Variants in TGFBR3 observed in about 807,000 individuals in gnomAD.
TGFBR3 encodes transforming growth factor beta receptor 3, also known as transforming growth factor beta receptor type 3.
TGFBR3 carries 46 observed loss-of-function variants against 87.9 expected under a neutral mutation model. The observed-to-expected ratio is 0.52, with a 90% CI of 0.41 to 0.67. The LOEUF (loss-of-function observed/expected upper bound fraction) is 0.67, where lower values mean the gene tolerates loss of function less well. Ranked by LOEUF, TGFBR3 falls within the 30% of genes least tolerant of loss-of-function variation. The pLI, the probability that TGFBR3 is intolerant of heterozygous loss-of-function variation, is 0.00. For synonymous variants in TGFBR3, 381 were observed against 391.6 expected, an observed-to-expected ratio of 0.97 and a Z score of 0.32; for missense variants, 866 against 1,041.9, an observed-to-expected ratio of 0.83 and a Z score of 2.32.
At chr1:91,764,324 A>AC (rs1184403337) in intron 3 of TGFBR3, among the ~76,000 whole-genome samples, 1 of 122,342 alleles carries the variant, frequency 8.2e-6, no homozygotes, top group East Asian at 2.3e-4. Context: ...AGACAAAAAA[A>AC]AAAAAAAAAA....
chr1:91,868,280 A>C (rs1368677938), intron 1 of TGFBR3, among the ~76,000 whole-genome samples: 1 of 152,218 alleles, frequency 6.6e-6, no homozygotes, highest in Non-Finnish European at 1.5e-5. Flanking sequence ...ATATACCTAG[A>C]CTTCCAAAAA....
chr1:91,787,939 C>T (rs567811409), intron 3 of TGFBR3, among the ~76,000 whole-genome samples: 44 of 127,026 alleles, frequency 3.5e-4, no homozygotes, highest in Middle Eastern at 4.5e-3. Flanking sequence ...CCCTGTCTCA[C>T]GGGGAAAAAA....
At chr1:91,849,531 C>T (rs973815781) in intron 2 of TGFBR3, among the ~76,000 whole-genome samples, 7 of 152,180 alleles carry the variant, frequency 4.6e-5, no homozygotes, top group African/African-American at 7.2e-5. Context: ...CCTTCCTAAT[C>T]ACCTTACTTC....
intron 3 of TGFBR3, among the ~76,000 whole-genome samples, chr1:91,770,610 T>C (rs1170419342): frequency 6.6e-6 from 1 of 152,222 alleles, no homozygotes; most frequent in Non-Finnish European, 1.5e-5. Flanking sequence ...TTAAAGAAAC[T>C]CAAATTGGTC....
rs893001901 is a variant in TGFBR3, at chr1:91,727,824, A to G, written c.738-18T>C. 6.2e-7 allele frequency: 1 copy of G among 1,613,354 alleles called. No individual in the cohort carries two copies. Among genetic ancestry groups the G allele is most frequent in the Non-Finnish European group, 8.5e-7 (1 of 1,179,936 alleles). On this transcript the variant is annotated intron_variant, in intron 6 of 16. Transcript: ENST00000212355. ...GGAAAGCACTGTGAATGGAAGACAAAGGCAAAGTTAAGACCTACATGCCAG... is the reference window on the plus strand; with the variant it reads ...GGAAAGCACTGTGAATGGAAGACAAGGGCAAAGTTAAGACCTACATGCCAG...
At chr1:91,780,180 G>A (rs996308087) in intron 3 of TGFBR3, among the ~76,000 whole-genome samples, 4 of 152,138 alleles carry the variant, frequency 2.6e-5, no homozygotes, top group African/African-American at 9.7e-5. Context: ...CAGGTTTAGG[G>A]GTTAGAACGT....
chr1:91,716,255 T>A lies in TGFBR3; in HGVS notation c.1847A>T (p.Asn616Ile). ...PSQGVFSVPE[N>I]GHVYVEVSVT... ...TCTCACCTCAACATAAACGTGTCCA[T>A]TCTCTGGCACAGAGAAGACGCCCTG... Residue 616 changes from asparagine to isoleucine, a missense_variant, in exon 12 of 17, where the codon AAT (asparagine) becomes ATT (isoleucine). By Grantham distance (149) the Asn-to-Ile change is moderately radical. Coordinates refer to ENST00000212355, the MANE Select transcript of TGFBR3 (RefSeq NM_003243.5). The A allele has an allele frequency of 6.2e-7, 1 of 1,614,116 alleles. No homozygotes were observed. Among genetic ancestry groups the A allele is most frequent in the Non-Finnish European group, 8.5e-7 (1 of 1,180,006 alleles).
intron 1 of TGFBR3, chr1:91,864,165 C>T (rs866607697): frequency 5.9e-5 from 9 of 152,158 alleles, no homozygotes; most frequent in African/African-American, 9.7e-5. Flanking sequence ...AAACTGTAAG[C>T]GGCACGAGGC....
intron 2 of TGFBR3, among the ~76,000 whole-genome samples, chr1:91,799,371 T>C (rs1479633867): frequency 6.6e-6 from 1 of 152,082 alleles, no homozygotes; most frequent in Non-Finnish European, 1.5e-5. Context: ...CAACAGGAGG[T>C]ACTGACTGTA....
rs1361616544 is a variant in TGFBR3 at position 91,885,929 on chromosome 1, G to T, written c.-165C>A. 1 of 445,596 alleles carries T rather than the reference G, an allele frequency of 2.2e-6. No homozygotes were observed. The highest frequency in any genetic ancestry group is 7.0e-5 in the East Asian group (1 of 14,214). The allele number at this position is 445,596 out of a possible 1,614,324, so 27.6% of individuals were successfully genotyped here. ...TCCACCCGCAGCAAGTTGGAGGAAA[G>T]CGGCGGCAAGTTTCCCCGCCCAGCG... On this transcript the variant is annotated 5_prime_UTR_variant, in exon 1 of 17. Transcript: ENST00000212355.
At position 91,806,973 on chromosome 1, in the gene TGFBR3, C is replaced by A. The variant is rs141529709; in HGVS notation, c.62-9502G>T. Among the ~76,000 whole-genome samples the A allele has an allele frequency of 2.3e-3, 343 of 152,288 alleles. 1 individual carries two copies. The highest frequency in any genetic ancestry group is 2.7e-3 in the Non-Finnish European group (187 of 68,028). On this transcript the variant is annotated intron_variant, in intron 2 of 16. Coordinates refer to ENST00000212355, the MANE Select transcript of TGFBR3 (RefSeq NM_003243.5). ...GCCAATAGCACTGCCTCACTTCAAT[C>A]GAGCTTCATGAGAAGGAATGTTACC...
rs767580175 is a variant in TGFBR3, at chr1:91,683,704, CTGGGCTGGGT to C, written c.*25_*34del. ...TTGGCAGTAGCTGAGCTGAGCTGGGCTGGGCTGGGTTGGGCCGGGTTGGGCTGGGTTGGGC... is the reference window on the plus strand; with the variant it reads ...TTGGCAGTAGCTGAGCTGAGCTGGGCTGGGCCGGGTTGGGCTGGGTTGGGC... On this transcript the variant is annotated 3_prime_UTR_variant, in exon 17 of 17. Coordinates refer to ENST00000212355, the MANE Select transcript of TGFBR3 (RefSeq NM_003243.5). The C allele has an allele frequency of 4.8e-6, 7 of 1,458,942 alleles. No individual in the cohort carries two copies. The highest frequency in any genetic ancestry group is 3.7e-6 in the Non-Finnish European group (4 of 1,094,624). The allele number at this position is 1,458,942 out of a possible 1,614,324, so 90.4% of individuals were successfully genotyped here.
chr1:91,757,015 A>G (rs1438139721), intron 4 of TGFBR3, among the ~76,000 whole-genome samples: 2 of 152,190 alleles, frequency 1.3e-5, no homozygotes, highest in Non-Finnish European at 2.9e-5. Context: ...TATAGGCTCA[A>G]TTATAATTTA....
intron 15 of TGFBR3, 112 bp from the exon 16 acceptor site, chr1:91,695,891 C>T (rs912493039): frequency 3.0e-5 from 27 of 894,366 alleles, no homozygotes; most frequent in Non-Finnish European, 3.9e-5. Context: ...CTAATAAAAT[C>T]GGAGAATGCA....
At chr1:91,853,447 C>G (rs111234480) in intron 2 of TGFBR3, among the ~76,000 whole-genome samples, 7 of 152,122 alleles carry the variant, frequency 4.6e-5, no homozygotes, top group African/African-American at 1.7e-4. Flanking sequence ...GTTTGGCAGA[C>G]AGGAGATAAC....
intron 3 of TGFBR3, among the ~76,000 whole-genome samples, chr1:91,760,380 C>T (rs1192860471): frequency 1.3e-5 from 2 of 152,196 alleles, no homozygotes; most frequent in African/African-American, 4.8e-5. Flanking sequence ...CGTGCCACTG[C>T]ACTCCAGCCT....
At chr1:91,888,877 T>TTTTG (rs1029128556), upstream of TGFBR3, among the ~76,000 whole-genome samples, 2 of 152,034 alleles carry the variant, frequency 1.3e-5, no homozygotes, top group Non-Finnish European at 2.9e-5. Context: ...CTGAATTCTT[T>TTTTG]TTTGTTTGTT....
chr1:91,814,219 A>G (rs942383988), intron 2 of TGFBR3, among the ~76,000 whole-genome samples: 2 of 152,164 alleles, frequency 1.3e-5, no homozygotes, highest in African/African-American at 4.8e-5. Flanking sequence ...GCATATGTAT[A>G]TGTATATGTA....
In TGFBR3 at chr1:91,683,832, G is replaced by T; in HGVS notation, c.2463C>A (p.Val821=). The T allele has an allele frequency of 6.2e-7, 1 of 1,605,270 alleles. No homozygotes were observed. The highest frequency in any genetic ancestry group is 8.5e-7 in the Non-Finnish European group (1 of 1,176,078). Residue 821 remains valine, a synonymous_variant, in exon 17 of 17, where the codon GTC becomes GTA. Coordinates refer to ENST00000212355, the MANE Select transcript of TGFBR3 (RefSeq NM_003243.5). ...HTGETAGRQQ[V]PTSPPASENS... The stretch of plus-strand genomic sequence containing the variant: ...TTTCCGAGGCTGGCGGGGAGGTGGG[G>T]ACTTGCTGCCTTCCTGCTGTCTCCC...
Sources: gnomAD v4.1 joint callset for allele counts (sites outside exome capture counted in the v4.1 genomes callset) on GRCh38, gnomAD v4.1.1 for gene constraint, MANE v1.5 for transcripts, NCBI Gene and HGNC (gene_info 2026-07-23, HGNC 2026-07-21) for gene names.